Variants in SLC1A7 observed in about 807,000 individuals in gnomAD.
The protein encoded by SLC1A7 is solute carrier family 1 member 7.
A neutral mutation model predicts 47.7 loss-of-function variants in SLC1A7; 40 were observed. That is an observed-to-expected ratio of 0.84 (90% CI 0.65 to 1.09). The LOEUF (loss-of-function observed/expected upper bound fraction) is 1.09, where lower values mean the gene tolerates loss of function less well. Ranked by LOEUF, SLC1A7 falls within the 50% of genes least tolerant of loss-of-function variation. The pLI, the probability that SLC1A7 is intolerant of heterozygous loss-of-function variation, is 0.00. For missense variants in SLC1A7, 746 were observed against 769.5 expected, an observed-to-expected ratio of 0.97 and a Z score of 0.36; for synonymous variants, 323 against 325.6, an observed-to-expected ratio of 0.99 and a Z score of 0.09.
rs186858445 is a variant in SLC1A7 at position 53,098,582 on chromosome 1, C to T, written c.697+4764G>A. The stretch of plus-strand genomic sequence containing the variant: ...CTCAGCATACTCACACACCCTGCCT[C>T]GGTACACACATACACACCGCCTCAG... On this transcript the variant is annotated intron_variant, in intron 5 of 10. Transcript: ENST00000371494. Among the ~76,000 whole-genome samples, 223 of 150,132 alleles carry T rather than the reference C, an allele frequency of 1.5e-3. 1 individual carries two copies. Among genetic ancestry groups the T allele is most frequent in the African/African-American group, 4.6e-3 (189 of 40,792 alleles).
chr1:53,133,148 C>T (rs530762051), intron 2 of SLC1A7, among the ~76,000 whole-genome samples: 1 of 152,268 alleles, frequency 6.6e-6, no homozygotes, highest in South Asian at 2.1e-4. Context: ...ATCAGCTGCA[C>T]CCATGGCTGT....
At chr1:53,089,178 C>T (rs1250026134) in intron 9 of SLC1A7, among the ~76,000 whole-genome samples, 199 bp from the exon 10 acceptor site, 2 of 152,326 alleles carry the variant, frequency 1.3e-5, no homozygotes, top group African/African-American at 2.4e-5. Flanking sequence ...GTGGGTTCCA[C>T]AGGTCCCCAT....
chr1:53,133,746 G>C (rs1425086367), intron 2 of SLC1A7, among the ~76,000 whole-genome samples: 1 of 152,136 alleles, frequency 6.6e-6, no homozygotes, highest in East Asian at 1.9e-4. Context: ...GAATTCTTCA[G>C]CCTGGTGTTC....
rs767721077 is a variant in SLC1A7, at chr1:53,114,031, G to C, written c.431+727C>G. Among the ~76,000 whole-genome samples the C allele has an allele frequency of 6.6e-4, 100 of 152,166 alleles. 1 individual carries two copies. The highest frequency in any genetic ancestry group is 1.3e-3 in the Admixed American group (20 of 15,264). On this transcript the variant is annotated intron_variant, in intron 3 of 10. Transcript: ENST00000371494. The stretch of plus-strand genomic sequence containing the variant: ...AGCCCCAGGCCCCCATGTTGTCCCT[G>C]TCTGCTCGTGGGTCTGACCACTCCT...
At chr1:53,103,778 C>G (rs144195925) in intron 4 of SLC1A7, among the ~76,000 whole-genome samples, 1 of 152,236 alleles carries the variant, frequency 6.6e-6, no homozygotes, top group African/African-American at 2.4e-5. Context: ...CCACACCACC[C>G]AGCCACGCTG....
At chr1:53,136,155 A>C (rs200971546) in intron 1 of SLC1A7, among the ~76,000 whole-genome samples, 9,337 of 103,282 alleles carry the variant, frequency 0.09, 358 homozygotes, top group Admixed American at 0.14. Flanking sequence ...CTCTCTCTAT[A>C]TATATATATA....
chr1:53,103,105 C>T (rs1479461040), intron 5 of SLC1A7: 3 of 434,788 alleles, frequency 6.9e-6, no homozygotes, highest in Non-Finnish European at 1.2e-5. Flanking sequence ...GCAGGGATGC[C>T]AGCTGCGGGC....
At chr1:53,131,001 A>G (rs1644937112) in intron 2 of SLC1A7, among the ~76,000 whole-genome samples, 1 of 152,198 alleles carries the variant, frequency 6.6e-6, no homozygotes, top group Non-Finnish European at 1.5e-5. Context: ...CTGAAGGTTT[A>G]ATTTTCCCTT....
chr1:53,130,495 C>A (rs547882067), intron 2 of SLC1A7, among the ~76,000 whole-genome samples: 1 of 142,362 alleles, frequency 7.0e-6, no homozygotes, highest in East Asian at 2.2e-4. Context: ...CTGCCCCCAT[C>A]CCCCCACTCC....
chr1:53,089,872 A>G lies in SLC1A7; in HGVS notation c.1289T>C (p.Met430Thr). 6.2e-7 allele frequency: 1 copy of G among 1,613,872 alleles called. No homozygotes were observed. The highest frequency in any genetic ancestry group is 1.1e-5 in the South Asian group (1 of 91,084). Reference protein sequence around the residue: ...AGIPQAGLVTMVIVLTSVGLP... With the variant: ...AGIPQAGLVTTVIVLTSVGLP... ...TCCCACGGAGGTGAGCACGATGACC[A>G]TGGTGACGAGGCCGGCCTGGGGGAT... Residue 430 changes from methionine (M) to threonine (T), a missense_variant, in exon 9 of 11, where the codon ATG becomes ACG. Met to Thr is a moderately conservative substitution (Grantham distance 81, BLOSUM62 -1). Transcript: ENST00000371494.
At position 53,088,054 on chromosome 1, in the gene SLC1A7, C is replaced by G. The variant is rs1172734966; in HGVS notation, c.1638G>C (p.Leu546=). ...EQDEELPAAS[L]NHCTIQISEL... is the part of the protein sequence containing the mutation. The stretch of plus-strand genomic sequence containing the variant: ...CACTGATCTGGATGGTGCAGTGGTT[C>G]AGACTCGCAGCGGGCAGCTCCTCAT... The change falls in exon 11 of 11, where the codon CTG becomes CTC. Residue 546 remains leucine, a synonymous_variant. Coordinates refer to ENST00000371494, the MANE Select transcript of SLC1A7 (RefSeq NM_006671.6). The G allele has an allele frequency of 6.3e-7, 1 of 1,597,190 alleles. No homozygotes were observed. The highest frequency in any genetic ancestry group is 1.1e-5 in the South Asian group (1 of 88,116).
intron 5 of SLC1A7, among the ~76,000 whole-genome samples, chr1:53,101,224 TCA>T (rs1557673366): frequency 7.3e-6 from 1 of 136,246 alleles, no homozygotes; most frequent in East Asian, 2.3e-4. Context: ...CTTGGTACAC[TCA>T]CATACCCACA....
At chr1:53,101,660 C>T (rs1644583287) in intron 5 of SLC1A7, among the ~76,000 whole-genome samples, 2 of 151,270 alleles carry the variant, frequency 1.3e-5, no homozygotes. Flanking sequence ...CACTCACACT[C>T]CTCATCTTGG....
intron 3 of SLC1A7, among the ~76,000 whole-genome samples, chr1:53,114,167 C>T (rs562589299): frequency 6.6e-6 from 1 of 152,210 alleles, no homozygotes; most frequent in East Asian, 1.9e-4. Flanking sequence ...TGCAGGGGAC[C>T]CGGGGAAAGG....
chr1:53,097,490 C>T (rs1353768095), intron 5 of SLC1A7, among the ~76,000 whole-genome samples: 1 of 151,762 alleles, frequency 6.6e-6, no homozygotes, highest in Non-Finnish European at 1.5e-5. Flanking sequence ...TCAGTACACT[C>T]ACACACCCCA....
At position 53,089,887 on chromosome 1, in the gene SLC1A7, G is replaced by C. The variant is rs1208931800; in HGVS notation, c.1274C>G (p.Ala425Gly). The change falls in exon 9 of 11, where the codon GCC becomes GGC. Residue 425 changes from alanine (A) to glycine (G), a missense_variant. Transcript: ENST00000371494. ...ASIGAAGIPQ[A>G]GLVTMVIVLT... ...CACGATGACCATGGTGACGAGGCCG[G>C]CCTGGGGGATGCCAGCTGCCCCAAT... 6.2e-7 allele frequency: 1 copy of C among 1,613,720 alleles called. No individual in the cohort carries two copies. Among genetic ancestry groups the C allele is most frequent in the East Asian group, 2.2e-5 (1 of 44,894 alleles).
chr1:53,088,196 C>T lies in SLC1A7; in HGVS notation c.1496G>A (p.Ser499Asn). ...CTGGGCTGCCACGATCTCCTGGAGG[C>T]TCACTGGCTTGGTCTCGCAGGGCAG... is the stretch of plus-strand genomic sequence containing the variant. ...KLLPCETKPVSLQEIVAAQQN... is the reference protein window; with the variant it reads ...KLLPCETKPVNLQEIVAAQQN... The change falls in exon 11 of 11, where the codon AGC (serine) becomes AAC (asparagine). Residue 499 changes from serine (S) to asparagine (N), a missense_variant. By Grantham distance (46) the Ser-to-Asn change is conservative. Coordinates refer to ENST00000371494, the MANE Select transcript of SLC1A7 (RefSeq NM_006671.6). The T allele has an allele frequency of 6.2e-7, 1 of 1,612,234 alleles. No individual in the cohort carries two copies. The highest frequency in any genetic ancestry group is 8.5e-7 in the Non-Finnish European group (1 of 1,178,942).
At chr1:53,110,976 C>T (rs1390983013) in intron 3 of SLC1A7, among the ~76,000 whole-genome samples, 5 of 152,154 alleles carry the variant, frequency 3.3e-5, no homozygotes, top group African/African-American at 7.2e-5. Flanking sequence ...CGCACCCACT[C>T]GGTGCCAGGT....
chr1:53,136,096 T>A (rs1644989938), intron 1 of SLC1A7, among the ~76,000 whole-genome samples: 1 of 151,080 alleles, frequency 6.6e-6, no homozygotes, highest in South Asian at 2.1e-4. Context: ...ACATTTCCAA[T>A]GCACCAGAAA....
Sources: allele counts gnomAD v4.1 joint callset (sites outside exome capture counted in the v4.1 genomes callset), GRCh38; gene constraint gnomAD v4.1.1; transcripts MANE v1.5; gene names NCBI Gene and HGNC (gene_info 2026-07-23, HGNC 2026-07-21).